Variants in RIMS1 observed in about 807,000 individuals in gnomAD.
RIMS1 encodes regulating synaptic membrane exocytosis 1.
In RIMS1, 83 loss-of-function variants were observed where a neutral mutation model predicts 214.1. The observed-to-expected ratio is 0.39, with a 90% CI of 0.32 to 0.47. The LOEUF (loss-of-function observed/expected upper bound fraction) is 0.47. Among genes scored for constraint, RIMS1 ranks in the 20% least tolerant of loss-of-function variants. RIMS1 has a pLI of 0.99. For synonymous variants in RIMS1, 793 were observed against 786.8 expected, an observed-to-expected ratio of 1.01 and a Z score of -0.13; for missense variants, 2,050 against 2,161.8, an observed-to-expected ratio of 0.95 and a Z score of 1.03.
chr6:72,094,859 C>T (rs1402246494), intron 2 of RIMS1, among the ~76,000 whole-genome samples: 1 of 151,910 alleles, frequency 6.6e-6, no homozygotes, highest in Non-Finnish European at 1.5e-5. Flanking sequence ...TGGTGGTTCT[C>T]ACAATAAATA....
intron 2 of RIMS1, among the ~76,000 whole-genome samples, chr6:72,013,624 G>A (rs991792998): frequency 6.6e-6 from 1 of 152,116 alleles, no homozygotes; most frequent in African/African-American, 2.4e-5. Context: ...TATAAGGCTA[G>A]GTCTGTCATT....
In RIMS1 at chr6:72,401,673, C is replaced by A. The variant is rs1191172752; in HGVS notation, c.*959C>A. The stretch of plus-strand genomic sequence containing the variant: ...AAAATGCTCATGTGTATAAACCATA[C>A]TTTGACTTCCCAAAAATGGTGACTA... On this transcript the variant is annotated 3_prime_UTR_variant, in exon 34 of 34. Coordinates refer to ENST00000521978, the MANE Select transcript of RIMS1 (RefSeq NM_014989.7). The A allele has an allele frequency of 6.6e-6, 1 of 152,580 alleles. No homozygotes were observed. The highest frequency in any genetic ancestry group is 1.5e-5 in the Non-Finnish European group (1 of 68,024). The allele number at this position is 152,580 out of a possible 1,614,324, so 9.5% of individuals were successfully genotyped here.
chr6:72,267,641 G>A (rs1251704339), intron 22 of RIMS1, among the ~76,000 whole-genome samples: 1 of 152,114 alleles, frequency 6.6e-6, no homozygotes, highest in African/African-American at 2.4e-5. Context: ...ACATTACGGT[G>A]CTCATTGGCT....
chr6:72,383,119 G>A (rs903260621), intron 29 of RIMS1, among the ~76,000 whole-genome samples: 7 of 152,050 alleles, frequency 4.6e-5, no homozygotes, highest in African/African-American at 7.2e-5. Context: ...TGCAAGCTGC[G>A]ACTCACACTC....
intron 2 of RIMS1, among the ~76,000 whole-genome samples, chr6:72,080,760 TC>T (rs1833176113): frequency 6.6e-6 from 1 of 152,142 alleles, no homozygotes; most frequent in African/African-American, 2.4e-5. Context: ...GCCAAGCCCC[TC>T]TCTCTGTAAT....
At chr6:72,196,931 A>G (rs1373098072) in intron 6 of RIMS1, among the ~76,000 whole-genome samples, 3 of 152,036 alleles carry the variant, frequency 2.0e-5, no homozygotes, top group African/African-American at 7.2e-5. Context: ...TGGCATGTTC[A>G]TTCAGTATTT....
intron 2 of RIMS1, among the ~76,000 whole-genome samples, chr6:72,022,012 A>G (rs1285624355): frequency 6.6e-6 from 1 of 152,166 alleles, no homozygotes. Context: ...TTTTATCCTC[A>G]AGTAGAATGA....
At chr6:72,093,049 A>G (rs918124946) in intron 2 of RIMS1, among the ~76,000 whole-genome samples, 4 of 152,106 alleles carry the variant, frequency 2.6e-5, no homozygotes, top group African/African-American at 9.7e-5. Flanking sequence ...ATTCATACAT[A>G]CAAAACAGTA....
At chr6:72,239,633 C>G (rs1046523396) in intron 9 of RIMS1, among the ~76,000 whole-genome samples, 3 of 152,308 alleles carry the variant, frequency 2.0e-5, no homozygotes, top group Admixed American at 1.3e-4. Context: ...CTTGCAATAT[C>G]TTTATCCAGT....
At chr6:72,172,268 C>T (rs900239066) in intron 4 of RIMS1, among the ~76,000 whole-genome samples, 3 of 151,938 alleles carry the variant, frequency 2.0e-5, no homozygotes, top group African/African-American at 7.3e-5. Context: ...TATTTTTAAT[C>T]ATGTTATGAA....
chr6:72,324,612 T>C (rs1373293804), intron 28 of RIMS1, among the ~76,000 whole-genome samples: 1 of 151,878 alleles, frequency 6.6e-6, no homozygotes, highest in Non-Finnish European at 1.5e-5. Flanking sequence ...AAATTACCAA[T>C]ATCATAGAAT....
At chr6:71,926,442 A>G (rs1017057638) in intron 1 of RIMS1, among the ~76,000 whole-genome samples, 4 of 152,200 alleles carry the variant, frequency 2.6e-5, no homozygotes, top group African/African-American at 9.6e-5. Flanking sequence ...ACACAGATTT[A>G]AAGACCCAAT....
At chr6:72,187,216 A>G (rs1444220142) in intron 6 of RIMS1, among the ~76,000 whole-genome samples, 1 of 152,108 alleles carries the variant, frequency 6.6e-6, no homozygotes, top group Non-Finnish European at 1.5e-5. Context: ...TCATTTTGTT[A>G]TTATTGCTGC....
intron 1 of RIMS1, among the ~76,000 whole-genome samples, chr6:71,908,848 A>G (rs1048273080): frequency 6.6e-6 from 1 of 152,218 alleles, no homozygotes; most frequent in African/African-American, 2.4e-5. Context: ...ACCCAGAGCC[A>G]AAGTCAATGA....
intron 29 of RIMS1, among the ~76,000 whole-genome samples, chr6:72,334,292 A>G (rs2096768689): frequency 6.6e-6 from 1 of 151,850 alleles, no homozygotes; most frequent in Non-Finnish European, 1.5e-5. Context: ...ATTGAACTGT[A>G]CTTGCTATAG....
chr6:72,397,179 G>A (rs1444703222), intron 31 of RIMS1, among the ~76,000 whole-genome samples: 3 of 151,910 alleles, frequency 2.0e-5, no homozygotes, highest in African/African-American at 4.8e-5. Flanking sequence ...ACCAAAAAAT[G>A]GGGAGAATAC....
At chr6:72,137,734 C>CTTTT (rs1220065879) in intron 4 of RIMS1, among the ~76,000 whole-genome samples, 10 of 128,702 alleles carry the variant, frequency 7.8e-5, no homozygotes, top group East Asian at 2.3e-4. Context: ...TCTATACAAT[C>CTTTT]TTTTTTTTTT....
intron 29 of RIMS1, among the ~76,000 whole-genome samples, chr6:72,385,117 A>T (rs1275088440): frequency 6.6e-6 from 1 of 152,218 alleles, no homozygotes; most frequent in Non-Finnish European, 1.5e-5. Context: ...TTTTATTCTT[A>T]ATAGAATACT....
intron 29 of RIMS1, among the ~76,000 whole-genome samples, chr6:72,354,960 G>A (rs761512203): frequency 2.6e-5 from 4 of 152,142 alleles, no homozygotes; most frequent in East Asian, 1.9e-4. Flanking sequence ...TATTAAACGC[G>A]AGGAATGTTC....
Sources: allele counts gnomAD v4.1 joint callset (sites outside exome capture counted in the v4.1 genomes callset), GRCh38; gene constraint gnomAD v4.1.1; transcripts MANE v1.5; gene names NCBI Gene and HGNC (gene_info 2026-07-23, HGNC 2026-07-21).